The following TBX1 variants were observed in gnomAD, a reference collection of about 807,000 sequenced individuals.
TBX1 encodes T-box transcription factor 1, also known as T-box transcription factor TBX1.
A neutral mutation model predicts 40.8 loss-of-function variants in TBX1; 16 were observed. That is an observed-to-expected ratio of 0.39 (90% CI 0.27 to 0.60). The LOEUF is 0.60. TBX1 is among the 20% of genes least tolerant of loss of function. TBX1 has a pLI of 0.51. For missense variants in TBX1, 755 were observed against 728.5 expected, an observed-to-expected ratio of 1.04 and a Z score of -0.42; for synonymous variants, 403 against 336.8, an observed-to-expected ratio of 1.20 and a Z score of -2.15.
downstream of TBX1, among the ~76,000 whole-genome samples, chr22:19,772,310 C>T (rs1937002031): frequency 1.3e-5 from 2 of 150,686 alleles, no homozygotes; most frequent in African/African-American, 4.9e-5. Context: ...CCATGTTGGC[C>T]TTTTTTTCTT....
At chr22:19,769,816 T>C (rs2238774), downstream of TBX1, among the ~76,000 whole-genome samples, 79,818 of 152,208 alleles carry the variant, frequency 0.52, 21,488 homozygotes, top group African/African-American at 0.62. Context: ...TTGAGTGCTA[T>C]GCTGCTCACA....
At chr22:19,765,652 G>C in intron 4 of TBX1, 106 bp from the exon 5 acceptor site, 1 of 1,275,652 alleles carries the variant, frequency 7.8e-7, no homozygotes. Context: ...CAGGGCAGCA[G>C]AAAGGCCCTT....
At chr22:19,759,467 CGGCGCCGGCCAGGCCGCCG>C, upstream of TBX1, 1 of 1,426,550 alleles carries the variant, frequency 7.0e-7, no homozygotes, top group Middle Eastern at 2.6e-4. Flanking sequence ...CAGTCGGAGG[CGGCGCCGGCCAGGCCGCCG>C]GGCGCCTATG....
chr22:19,771,509 G>A (rs942570361), downstream of TBX1, among the ~76,000 whole-genome samples: 6 of 152,314 alleles, frequency 3.9e-5, no homozygotes, highest in African/African-American at 1.4e-4. Flanking sequence ...GCTTTTAATA[G>A]CAGTAATTAA....
At chr22:19,759,296 C>A (rs191411054), upstream of TBX1, among the ~76,000 whole-genome samples, 1 of 152,340 alleles carries the variant, frequency 6.6e-6, no homozygotes, top group East Asian at 1.9e-4. Context: ...CCAGGGTGCT[C>A]CACCCGTCTG....
Position 19,766,777 on chromosome 22 carries a change from CGCCGCCGCT to C in TBX1, c.1431_1439del (p.Ala483_Ala485del), listed in dbSNP as rs774489872. On this transcript the variant is annotated inframe_deletion, in exon 7 of 7. Transcript: ENST00000649276. ...CCGTGAGTCCAGCCGCCGCGGCCGCCGCCGCCGCTGCCGCAGCTGCCGCGGCCGCCAACA... is the reference window on the plus strand; with the variant it reads ...CCGTGAGTCCAGCCGCCGCGGCCGCCGCCGCAGCTGCCGCGGCCGCCAACA... The C allele has an allele frequency of 7.8e-5, 116 of 1,480,832 alleles. No homozygotes were observed. The highest frequency in any genetic ancestry group is 2.6e-5 in the Non-Finnish European group (29 of 1,130,568). 91.7% of individuals were successfully genotyped at this position (1,480,832 alleles called of 1,614,324 possible). A position where few individuals can be genotyped will look rare whatever the true frequency, so the allele number is the denominator to read the frequency against.
At chr22:19,757,622 G>C (rs1331748207), upstream of TBX1, among the ~76,000 whole-genome samples, 1 of 152,138 alleles carries the variant, frequency 6.6e-6, no homozygotes, top group Non-Finnish European at 1.5e-5. Flanking sequence ...GCCAACACAG[G>C]CACGTCTCCT....
In TBX1 at chr22:19,767,256, G is replaced by A. The variant is rs959322349; in HGVS notation, c.*389G>A. On this transcript the variant is annotated 3_prime_UTR_variant, in exon 7 of 7. Transcript: ENST00000649276. ...CCCGAGAGCCCCGCCTGCAGGCGGT[G>A]TAGATACATGTAGATACTGTAGATA... 4 of 1,030,812 alleles carry A rather than the reference G, an allele frequency of 3.9e-6. No individual in the cohort carries two copies. Among genetic ancestry groups the A allele is most frequent in the Non-Finnish European group, 4.6e-6 (4 of 860,834 alleles). The allele number at this position is 1,030,812 out of a possible 1,614,324, so 63.9% of individuals were successfully genotyped here. A position where few individuals can be genotyped will look rare whatever the true frequency, so the allele number is the denominator to read the frequency against.
intron 6 of TBX1, 166 bp from the exon 7 acceptor site, chr22:19,766,223 A>C: frequency 9.6e-7 from 1 of 1,036,992 alleles, no homozygotes; most frequent in Non-Finnish European, 1.2e-6. Context: ...GGCCCCGGGG[A>C]GGGCTCGGGG....
intron 8 of TBX1, among the ~76,000 whole-genome samples, chr22:19,774,062 AG>A (rs1258459396): frequency 2.0e-5 from 3 of 152,254 alleles, no homozygotes; most frequent in Non-Finnish European, 4.4e-5. Context: ...GATATCCATT[AG>A]GATGATGATG....
chr22:19,766,852 C>G lies in TBX1; in HGVS notation c.1500C>G (p.Asp500Glu), dbSNP rs777213879. 3 of 1,583,718 alleles carry G rather than the reference C, an allele frequency of 1.9e-6. No homozygotes were observed. The highest frequency in any genetic ancestry group is 3.4e-5 in the Admixed American group (2 of 58,944). ...GAGCCGCGCCGCCCGGCTCCTACGA[C>G]TATTGCCCCAGATAACACGGGCCCT... ...SAGAAPPGSY[D>E]YCPR Residue 500 changes from aspartate to glutamate, a missense_variant, in exon 7 of 7, where the codon GAC (aspartate) becomes GAG (glutamate). Around this residue, in one of 3 missense-constraint regions of TBX1, gnomAD observed 412 missense variants for 317.6 expected, o/e 1.30. Coordinates refer to ENST00000649276, the MANE Select transcript of TBX1 (RefSeq NM_001379200.1).
At chr22:19,779,631 T>C (rs190840714), downstream of TBX1, 2 of 1,089,694 alleles carry the variant, frequency 1.8e-6, no homozygotes, top group Non-Finnish European at 2.5e-6. Flanking sequence ...CATTTAAACA[T>C]TGACTGTAAA....
intron 8 of TBX1, among the ~76,000 whole-genome samples, chr22:19,774,748 C>T (rs1038528703): frequency 1.3e-5 from 2 of 152,242 alleles, no homozygotes; most frequent in Admixed American, 6.5e-5. Context: ...TACAATTCCA[C>T]TTGCATGAGG....
upstream of TBX1, chr22:19,759,779 C>A: frequency 7.3e-7 from 1 of 1,361,266 alleles, no homozygotes; most frequent in Non-Finnish European, 1.0e-6. Flanking sequence ...CTCTTGGTAG[C>A]GTGGGCTCCA....
chr22:19,777,212 C>A lies in TBX1; in HGVS notation c.1010-2008C>A, dbSNP rs536776925. Among the ~76,000 whole-genome samples the A allele has an allele frequency of 9.1e-4, 138 of 151,912 alleles. 1 individual carries two copies. The highest frequency in any genetic ancestry group is 3.2e-3 in the African/African-American group (133 of 41,426). On this transcript the variant is annotated intron_variant, in intron 8 of 8. Coordinates refer to the TBX1 transcript ENST00000329705. ...GTCTCCTAATGCTATCCCTCCCCCT[C>A]CCCCTACCCCACAACAGTCCCCGGA... is the stretch of plus-strand genomic sequence containing the variant.
downstream of TBX1, among the ~76,000 whole-genome samples, chr22:19,767,703 G>A (rs191803215): frequency 1.3e-5 from 2 of 152,348 alleles, no homozygotes; most frequent in Non-Finnish European, 2.9e-5. Flanking sequence ...TTGGGCCTGC[G>A]CCCTGGCCTG....
At chr22:19,779,538 T>G in exon 9 of TBX1, 2 of 1,520,854 alleles carry the variant, frequency 1.3e-6, no homozygotes, top group Non-Finnish European at 1.8e-6. Context: ...GTGCATGTTT[T>G]GTAATAAATA....
At position 19,766,940 on chromosome 22, in the gene TBX1, A is replaced by G; in HGVS notation, c.*73A>G. The G allele has an allele frequency of 6.5e-7, 1 of 1,542,296 alleles. No individual in the cohort carries two copies. Among genetic ancestry groups the G allele is most frequent in the Non-Finnish European group, 8.7e-7 (1 of 1,154,012 alleles). On this transcript the variant is annotated 3_prime_UTR_variant, in exon 7 of 7. Coordinates refer to ENST00000649276, the MANE Select transcript of TBX1 (RefSeq NM_001379200.1). ...TCGCCGGGCCCGGCCACCCTGCCCCAAGGGCAAGCAAGGAATACGTTCCCC... is the reference window on the plus strand; with the variant it reads ...TCGCCGGGCCCGGCCACCCTGCCCCGAGGGCAAGCAAGGAATACGTTCCCC...
chr22:19,760,024 C>G (rs1936589944), upstream of TBX1, among the ~76,000 whole-genome samples: 1 of 151,766 alleles, frequency 6.6e-6, no homozygotes, highest in Non-Finnish European at 1.5e-5. Flanking sequence ...GAGAAAGCCT[C>G]GAGGAAGCCG....
Sources: allele counts gnomAD v4.1 joint callset (sites outside exome capture counted in the v4.1 genomes callset), GRCh38; gene constraint gnomAD v4.1.1; regional missense constraint gnomAD v4.1.1; transcripts MANE v1.5; gene names NCBI Gene and HGNC (gene_info 2026-07-23, HGNC 2026-07-21).